Variants in C1QTNF3 observed in about 807,000 individuals in gnomAD.
The protein encoded by C1QTNF3 is complement C1q tumor necrosis factor-related protein 3.
In C1QTNF3, 26 loss-of-function variants were observed where a neutral mutation model predicts 32.6. The ratio of observed to expected loss-of-function variants is 0.80; its 90% CI spans 0.58 to 1.11. C1QTNF3 has a LOEUF of 1.11. Ranked by LOEUF, C1QTNF3 falls within the 50% of genes least tolerant of loss-of-function variation. The pLI is 0.00. For synonymous variants in C1QTNF3, 155 were observed against 146.0 expected (o/e 1.06, Z -0.44); for missense variants, 362 against 398.2 (o/e 0.91, Z 0.77).
At chr5:34,207,590 C>T in the C1QTNF3 span, among the ~76,000 whole-genome samples, 1 of 152,150 alleles carries the variant, frequency 6.6e-6, no homozygotes, top group South Asian at 2.1e-4. Context: ...TTGTGCTGGG[C>T]TTCCATTTAA....
the C1QTNF3 span, among the ~76,000 whole-genome samples, chr5:34,079,483 A>G: frequency 6.6e-6 from 1 of 151,668 alleles, no homozygotes; most frequent in Non-Finnish European, 1.5e-5. Context: ...AATATTTATT[A>G]TCTTTGTTTT....
the C1QTNF3 span, among the ~76,000 whole-genome samples, chr5:34,164,198 C>T: frequency 6.6e-6 from 1 of 152,062 alleles, no homozygotes; most frequent in African/African-American, 2.4e-5. Context: ...AAACGGTGGA[C>T]TCCAGAGTCC....
At chr5:34,159,367 C>G in the C1QTNF3 span, among the ~76,000 whole-genome samples, 3 of 151,918 alleles carry the variant, frequency 2.0e-5, no homozygotes, top group Admixed American at 6.5e-5. Flanking sequence ...TTTAATGTCT[C>G]TTTTTTACCA....
the C1QTNF3 span, among the ~76,000 whole-genome samples, chr5:34,240,819 A>G: frequency 6.6e-6 from 1 of 152,196 alleles, no homozygotes; most frequent in Non-Finnish European, 1.5e-5. Flanking sequence ...CGCAAAAAAA[A>G]AGAACATTCA....
At chr5:34,195,122 C>A in the C1QTNF3 span, among the ~76,000 whole-genome samples, 1 of 150,642 alleles carries the variant, frequency 6.6e-6, no homozygotes, top group African/African-American at 2.4e-5. Context: ...GAATTTTCTC[C>A]CTACAGAAAA....
chr5:34,056,464 A>G, the C1QTNF3 span, among the ~76,000 whole-genome samples: 3 of 106,654 alleles, frequency 2.8e-5, no homozygotes, highest in South Asian at 6.9e-4. Flanking sequence ...GTATATATAT[A>G]TATATATATA....
At chr5:34,122,460 C>T in the C1QTNF3 span, among the ~76,000 whole-genome samples, 9 of 152,042 alleles carry the variant, frequency 5.9e-5, no homozygotes, top group African/African-American at 2.2e-4. Context: ...GAATTTTCCT[C>T]GTGTTTTCAG....
chr5:34,057,730 T>C, the C1QTNF3 span, among the ~76,000 whole-genome samples: 7 of 152,218 alleles, frequency 4.6e-5, no homozygotes, highest in African/African-American at 4.8e-5. Context: ...TTTTACGGCA[T>C]TGAGGAAGGC....
chr5:34,094,118 T>C, the C1QTNF3 span, among the ~76,000 whole-genome samples: 3 of 152,188 alleles, frequency 2.0e-5, no homozygotes, highest in Non-Finnish European at 4.4e-5. Context: ...TTCAAACTCT[T>C]CTATTTTCCA....
At chr5:34,223,035 A>G in the C1QTNF3 span, among the ~76,000 whole-genome samples, 1 of 152,008 alleles carries the variant, frequency 6.6e-6, no homozygotes, top group South Asian at 2.1e-4. Context: ...TCTTATTACT[A>G]TATTTCAAGT....
chr5:34,108,270 A>G, the C1QTNF3 span, among the ~76,000 whole-genome samples: 2 of 152,056 alleles, frequency 1.3e-5, no homozygotes, highest in Admixed American at 6.6e-5. Flanking sequence ...TTGGAGTTCC[A>G]CATACAAGTG....
chr5:34,075,523 A>G, the C1QTNF3 span, among the ~76,000 whole-genome samples: 13 of 151,602 alleles, frequency 8.6e-5, no homozygotes, highest in African/African-American at 2.9e-4. Flanking sequence ...ATGAGTCTTC[A>G]ATTTGATAGC....
chr5:34,141,793 A>ATC, the C1QTNF3 span, among the ~76,000 whole-genome samples: 1 of 152,140 alleles, frequency 6.6e-6, no homozygotes, highest in East Asian at 1.9e-4. Context: ...CCAAAAGCTC[A>ATC]GAGTGTCTGG....
chr5:34,127,135 T>G, the C1QTNF3 span, among the ~76,000 whole-genome samples: 2 of 152,132 alleles, frequency 1.3e-5, no homozygotes, highest in Non-Finnish European at 2.9e-5. Flanking sequence ...CAGGTAGTTC[T>G]TCATAGCAAT....
the C1QTNF3 span, among the ~76,000 whole-genome samples, chr5:34,150,343 T>C: frequency 1.3e-4 from 14 of 109,978 alleles, no homozygotes; most frequent in Non-Finnish European, 1.8e-5. Context: ...AACTCAGCTC[T>C]GCACGAAGCA....
the C1QTNF3 span, among the ~76,000 whole-genome samples, chr5:34,212,541 C>T: frequency 6.6e-6 from 1 of 151,942 alleles, no homozygotes; most frequent in East Asian, 1.9e-4. Context: ...CTACAATGAA[C>T]TCAAACAAAT....
chr5:34,177,803 A>C, the C1QTNF3 span, among the ~76,000 whole-genome samples: 1 of 151,748 alleles, frequency 6.6e-6, no homozygotes, highest in Admixed American at 6.6e-5. Context: ...CATCTTAAAT[A>C]TTTTGTAGAG....
At chr5:34,173,261 C>G in the C1QTNF3 span, among the ~76,000 whole-genome samples, 1 of 152,102 alleles carries the variant, frequency 6.6e-6, no homozygotes. Flanking sequence ...AAGCCCAGCA[C>G]AGTGCCTAGA....
the C1QTNF3 span, among the ~76,000 whole-genome samples, chr5:34,201,996 A>G: frequency 3.3e-5 from 5 of 152,112 alleles, no homozygotes; most frequent in Non-Finnish European, 5.9e-5. Flanking sequence ...GAATCCTACC[A>G]CTTCCACTAC....
Sources: allele counts gnomAD v4.1 joint callset (sites outside exome capture counted in the v4.1 genomes callset), GRCh38; gene constraint gnomAD v4.1.1; transcripts MANE v1.5; gene names NCBI Gene and HGNC (gene_info 2026-07-23, HGNC 2026-07-21).